The following CDH20 variants were observed in gnomAD, a reference collection of about 807,000 sequenced individuals.
The protein encoded by CDH20 is cadherin 20.
Under a neutral mutation model 74.2 loss-of-function variants are expected in CDH20, and 29 were observed. That is an observed-to-expected ratio of 0.39 (90% CI 0.29 to 0.53). The LOEUF (loss-of-function observed/expected upper bound fraction) is 0.53, where lower values mean the gene tolerates loss of function less well. Ranked by LOEUF, CDH20 falls within the 20% of genes least tolerant of loss-of-function variation. The pLI, the probability that CDH20 is intolerant of heterozygous loss-of-function variation, is 0.69. For missense variants in CDH20, 988 were observed against 1,048.3 expected, an observed-to-expected ratio of 0.94 and a Z score of 0.79; for synonymous variants, 469 against 405.4, an observed-to-expected ratio of 1.16 and a Z score of -1.88.
Position 61,503,140 on chromosome 18 carries a change from G to A in CDH20, c.829+20G>A, listed in dbSNP as rs1283803665. ...CCCAGAGTGAGTACCTAACCCAAGA[G>A]AGCACAGACCTCGGGCCCAGAGGGA... On this transcript the variant is annotated intron_variant, in intron 5 of 11. Transcript: ENST00000262717. The A allele has an allele frequency of 6.4e-7, 1 of 1,570,986 alleles. No homozygotes were observed. The highest frequency in any genetic ancestry group is 8.6e-7 in the Non-Finnish European group (1 of 1,159,112).
chr18:61,441,402 C>G (rs995172740), intron 1 of CDH20, among the ~76,000 whole-genome samples: 11 of 152,266 alleles, frequency 7.2e-5, no homozygotes, highest in Middle Eastern at 3.4e-3. Context: ...ATATTTATGT[C>G]TCATGTGTGT....
In CDH20 at chr18:61,554,507, C is replaced by T. The variant is rs1436156880; in HGVS notation, c.2218C>T (p.Pro740Ser). ...CGAGGCCGACATGGACCTGTGGGCA[C>T]CGCCCTTCGACTCCCTCCAGACGTA... is the stretch of plus-strand genomic sequence containing the variant. ...LYEADMDLWA[P>S]PFDSLQTYMF... is the part of the protein sequence containing the mutation. Residue 740 changes from proline (P) to serine (S), a missense_variant, in exon 12 of 12, where the codon CCG becomes TCG. Physicochemically the swap from Pro to Ser is moderately conservative, Grantham distance 74. Transcript: ENST00000262717. 2.5e-6 allele frequency: 4 copies of T among 1,612,746 alleles called. No individual in the cohort carries two copies. In the Admixed American group the frequency reaches 5.0e-5, roughly 20 times the overall value.
rs1316520418 is a variant in CDH20, at chr18:61,372,968, G to A, written c.-153+39141G>A. 2.6e-5 allele frequency among the ~76,000 whole-genome samples: 4 copies of A among 152,090 alleles called. No individual in the cohort carries two copies. The East Asian group carries it at 7.7e-4, about 29-fold the overall frequency. On this transcript the variant is annotated intron_variant, in intron 1 of 11. Coordinates refer to ENST00000262717, the MANE Select transcript of CDH20 (RefSeq NM_031891.4). ...TCACTGATAGAACGTAATTCTTCCA[G>A]TACACTCTAGGGACCAAAAGGAGGC...
At chr18:61,481,046 T>A (rs939144127) in intron 1 of CDH20, among the ~76,000 whole-genome samples, 1 of 152,196 alleles carries the variant, frequency 6.6e-6, no homozygotes, top group African/African-American at 2.4e-5. Context: ...CATTAAACTG[T>A]TAAATACTTT....
At chr18:61,465,788 C>T (rs2144367518) in intron 1 of CDH20, among the ~76,000 whole-genome samples, 1 of 151,158 alleles carries the variant, frequency 6.6e-6, no homozygotes, top group East Asian at 1.9e-4. Context: ...TACAGAGAAA[C>T]TTAGTGACCC....
intron 8 of CDH20, among the ~76,000 whole-genome samples, chr18:61,538,584 G>GTTTTTTTT (rs1568182044): frequency 1.1e-4 from 6 of 55,844 alleles, no homozygotes; most frequent in Admixed American, 1.9e-4. Flanking sequence ...ACTACTTTTT[G>GTTTTTTTT]TTTGTTTGTT....
chr18:61,553,703 T>C (rs982809194), intron 11 of CDH20, among the ~76,000 whole-genome samples: 19 of 152,234 alleles, frequency 1.2e-4, no homozygotes, highest in Non-Finnish European at 2.1e-4. Context: ...TATGATTATA[T>C]ACAGAGTAGA....
intron 11 of CDH20, among the ~76,000 whole-genome samples, chr18:61,553,356 T>G (rs556974460): frequency 6.6e-6 from 1 of 152,186 alleles, no homozygotes; most frequent in South Asian, 2.1e-4. Flanking sequence ...AATGGGATTA[T>G]CTCTATCTCT....
intron 7 of CDH20, among the ~76,000 whole-genome samples, chr18:61,532,038 C>A (rs1227685183): frequency 6.6e-6 from 1 of 152,186 alleles, no homozygotes; most frequent in African/African-American, 2.4e-5. Context: ...TTTCCTTAGA[C>A]AATCTCTTAT....
At chr18:61,407,713 C>T (rs970230383) in intron 1 of CDH20, among the ~76,000 whole-genome samples, 2 of 152,196 alleles carry the variant, frequency 1.3e-5, no homozygotes, top group Non-Finnish European at 2.9e-5. Flanking sequence ...CCAATGCAGT[C>T]ATAGAAAACA....
Position 61,554,920 on chromosome 18 carries a change from C to A in CDH20, c.*225C>A. 1 of 1,371,822 alleles carries A rather than the reference C, an allele frequency of 7.3e-7. No individual in the cohort carries two copies. The highest frequency in any genetic ancestry group is 2.0e-5 in the South Asian group (1 of 49,180). 85.0% of individuals were successfully genotyped at this position (1,371,822 alleles called of 1,614,324 possible). On this transcript the variant is annotated 3_prime_UTR_variant, in exon 12 of 12. Transcript: ENST00000262717. ...GCAGAATCTTTAATTACCTTTTTTT[C>A]TTTTCTTTTTGATTTTTCTGACACT...
At position 61,554,940 on chromosome 18, in the gene CDH20, G is replaced by T; in HGVS notation, c.*245G>T. The T allele has an allele frequency of 7.4e-7, 1 of 1,360,182 alleles. No individual in the cohort carries two copies. The highest frequency in any genetic ancestry group is 2.1e-5 in the South Asian group (1 of 48,740). 84.3% of individuals were successfully genotyped at this position (1,360,182 alleles called of 1,614,324 possible). A position where few individuals can be genotyped will look rare whatever the true frequency, so the allele number is the denominator to read the frequency against. On this transcript the variant is annotated 3_prime_UTR_variant, in exon 12 of 12. Transcript: ENST00000262717. ...TTTTTCTTTTCTTTTTGATTTTTCT[G>T]ACACTGTGTGCGAAGGCTTGGAGTC... is the stretch of plus-strand genomic sequence containing the variant.
At chr18:61,528,867 T>C (rs1912542815) in intron 7 of CDH20, among the ~76,000 whole-genome samples, 1 of 152,196 alleles carries the variant, frequency 6.6e-6, no homozygotes, top group African/African-American at 2.4e-5. Context: ...CTACATATAT[T>C]CCACATACTA....
chr18:61,499,571 T>TCTA (rs1911290479), intron 3 of CDH20, 91 bp downstream of exon 3: 1 of 1,037,860 alleles, frequency 9.6e-7, no homozygotes, highest in Admixed American at 2.4e-5. Context: ...CACATGTAGA[T>TCTA]ACACATATAT....
intron 4 of CDH20, 83 bp from the exon 5 acceptor site, chr18:61,502,870 A>G (rs1385623185): frequency 3.5e-6 from 4 of 1,157,706 alleles, no homozygotes; most frequent in African/African-American, 1.5e-5. Context: ...TTAATGGTGC[A>G]CCAGGGAGAC....
intron 1 of CDH20, among the ~76,000 whole-genome samples, chr18:61,442,187 G>T (rs1016665089): frequency 6.6e-6 from 1 of 151,722 alleles, no homozygotes; most frequent in Non-Finnish European, 1.5e-5. Context: ...CTCTCCCTAC[G>T]TAAAAAACTG....
intron 1 of CDH20, among the ~76,000 whole-genome samples, chr18:61,458,321 A>G (rs2144352966): frequency 6.6e-6 from 1 of 152,304 alleles, no homozygotes; most frequent in African/African-American, 2.4e-5. Context: ...GAACTCCAAA[A>G]CACCAAAAGT....
chr18:61,470,458 G>A (rs777988637), intron 1 of CDH20, among the ~76,000 whole-genome samples: 8 of 152,204 alleles, frequency 5.3e-5, no homozygotes, highest in Non-Finnish European at 7.3e-5. Context: ...GGCCCTGCCC[G>A]TTGGTGCGGA....
chr18:61,520,695 C>T (rs1484819690), intron 6 of CDH20, among the ~76,000 whole-genome samples: 10 of 151,216 alleles, frequency 6.6e-5, no homozygotes, highest in Admixed American at 2.0e-4. Context: ...AAGTAAAACA[C>T]TCCTCAGCAA....
Sources: allele counts gnomAD v4.1 joint callset (sites outside exome capture counted in the v4.1 genomes callset), GRCh38; gene constraint gnomAD v4.1.1; transcripts MANE v1.5; gene names NCBI Gene and HGNC (gene_info 2026-07-23, HGNC 2026-07-21).